The following PIK3R6 variants were observed in gnomAD, a reference collection of about 807,000 sequenced individuals.
The protein encoded by PIK3R6 is phosphoinositide-3-kinase regulatory subunit 6.
A neutral mutation model predicts 84.9 loss-of-function variants in PIK3R6; 91 were observed. The observed-to-expected ratio is 1.07, with a 90% confidence interval of 0.90 to 1.28. The LOEUF (loss-of-function observed/expected upper bound fraction) is 1.28. PIK3R6 is among the 50% of genes most tolerant of loss of function. The pLI, the probability that PIK3R6 is intolerant of heterozygous loss-of-function variation, is 0.00. For missense variants in PIK3R6, 996 were observed against 985.1 expected (o/e 1.01, Z -0.15); for synonymous variants, 416 against 411.4 (o/e 1.01, Z -0.13).
chr17:8,822,045 TGAGAG>T, intron 16 of PIK3R6, 109 bp from the exon 17 acceptor site: 2 of 784,734 alleles, frequency 2.5e-6, no homozygotes, highest in Non-Finnish European at 3.8e-6. Context: ...ACCCCTGCTG[TGAGAG>T]TCTTTTTTTT....
intron 7 of PIK3R6, among the ~76,000 whole-genome samples, chr17:8,835,712 A>G (rs532192907): frequency 3.5e-4 from 53 of 152,234 alleles, no homozygotes; most frequent in African/African-American, 1.2e-3. Context: ...GCCTAGTCCC[A>G]TGTTTAGGAA....
intron 18 of PIK3R6, among the ~76,000 whole-genome samples, chr17:8,811,899 C>A (rs1007035825): frequency 6.7e-6 from 1 of 148,196 alleles, no homozygotes; most frequent in Non-Finnish European, 1.5e-5. Flanking sequence ...TTTCAGGTAT[C>A]TTTTCAGCAG....
intron 1 of PIK3R6, among the ~76,000 whole-genome samples, chr17:8,855,733 G>A (rs1237309574): frequency 6.6e-6 from 1 of 152,216 alleles, no homozygotes; most frequent in Non-Finnish European, 1.5e-5. Flanking sequence ...ATACGTTACT[G>A]GTGAGAATGC....
At position 8,828,841 on chromosome 17, in the gene PIK3R6, G is replaced by T. The variant is rs1193953030; in HGVS notation, c.1039C>A (p.Pro347Thr). The T allele has an allele frequency of 1.9e-6, 3 of 1,596,826 alleles. No individual in the cohort carries two copies. The highest frequency in any genetic ancestry group is 2.6e-6 in the Non-Finnish European group (3 of 1,170,880). ...STDSGIERDL[P>T]TGADELPAPG... is the part of the protein sequence containing the mutation. ...GCAGGCAGCTCATCAGCCCCCGTGGGAAGGTCCCGCTCAATGCCGCTGTCA... is the reference window on the plus strand; with the variant it reads ...GCAGGCAGCTCATCAGCCCCCGTGGTAAGGTCCCGCTCAATGCCGCTGTCA... Residue 347 changes from proline to threonine, a missense_variant, in exon 11 of 20, where the codon CCC (proline) becomes ACC (threonine). By Grantham distance (38) the Pro-to-Thr change is conservative (BLOSUM62 -1). Coordinates refer to ENST00000619866, the MANE Select transcript of PIK3R6 (RefSeq NM_001010855.4).
chr17:8,834,844 GT>G (rs35887127), intron 8 of PIK3R6, among the ~76,000 whole-genome samples: 24,668 of 147,164 alleles, frequency 0.17, 2,545 homozygotes, highest in African/African-American at 0.29. Context: ...CTTATTATTG[GT>G]TTTTTTTTTG....
chr17:8,803,438 G>GGA lies in PIK3R6; in HGVS notation c.2109-11_2109-10dup, dbSNP rs772798825. The GGA allele has an allele frequency of 1.3e-6, 2 of 1,593,484 alleles. No individual in the cohort carries two copies. The highest frequency in any genetic ancestry group is 1.7e-6 in the Non-Finnish European group (2 of 1,170,742). ...AGGGAGCAACCTCGAATCTGTGGGTGGAGAGAGACCAGCTCAGGTGACCCA... is the reference window on the plus strand; with the variant it reads ...AGGGAGCAACCTCGAATCTGTGGGTGGAGAGAGAGACCAGCTCAGGTGACCCA... On this transcript the variant is annotated splice_polypyrimidine_tract_variant and intron_variant, in intron 19 of 19. Coordinates refer to ENST00000619866, the MANE Select transcript of PIK3R6 (RefSeq NM_001010855.4). This position sits in a 1 kb window ranked among gnomAD's most constrained non-coding sequence, Gnocchi z 5.0.
Position 8,819,329 on chromosome 17 carries a change from T to C in PIK3R6, c.1880-131A>G, listed in dbSNP as rs78705597. 5,501 of 582,148 alleles carry C rather than the reference T, an allele frequency of 9.4e-3. 212 individuals are homozygous for C. The highest frequency in any genetic ancestry group is 0.084 in the African/African-American group (4,474 of 53,110). The allele number at this position is 582,148 out of a possible 1,614,324, so 36.1% of individuals were successfully genotyped here. On this transcript the variant is annotated intron_variant, in intron 17 of 19. Coordinates refer to ENST00000619866, the MANE Select transcript of PIK3R6 (RefSeq NM_001010855.4). The stretch of plus-strand genomic sequence containing the variant: ...GTCACTCCTCCTTGGGCCCCCACTT[T>C]CTGAATCTGCTTGGTCCCAGCCAAG...
At chr17:8,866,022 G>T (rs2089403253) in intron 1 of PIK3R6, among the ~76,000 whole-genome samples, 1 of 152,172 alleles carries the variant, frequency 6.6e-6, no homozygotes, top group Non-Finnish European at 1.5e-5. Context: ...CTTTCGTGGA[G>T]ACAGTGTAGG....
intron 12 of PIK3R6, among the ~76,000 whole-genome samples, chr17:8,827,667 G>A (rs898216961): frequency 1.3e-5 from 2 of 150,984 alleles, no homozygotes; most frequent in African/African-American, 4.9e-5. Context: ...TTCACTGCCT[G>A]CAATTTCCTT....
chr17:8,860,128 A>G (rs1046701950), intron 1 of PIK3R6, among the ~76,000 whole-genome samples: 2 of 152,242 alleles, frequency 1.3e-5, no homozygotes, highest in Admixed American at 1.3e-4. Flanking sequence ...ATAGCTATGC[A>G]GTGAAAAGCC....
intron 18 of PIK3R6, among the ~76,000 whole-genome samples, chr17:8,805,157 A>G (rs1488402683): frequency 6.6e-6 from 1 of 152,204 alleles, no homozygotes; most frequent in Non-Finnish European, 1.5e-5. Context: ...GGGTAAGAGC[A>G]TAGTCTCTAA....
At chr17:8,858,310 CTTTTTTTTTT>C (rs752142944) in intron 1 of PIK3R6, among the ~76,000 whole-genome samples, 5 of 95,512 alleles carry the variant, frequency 5.2e-5, no homozygotes, top group South Asian at 7.1e-4. Context: ...CTCAATTAAT[CTTTTTTTTTT>C]TTTTTTTTTT....
At chr17:8,843,628 A>G (rs2088744190) in intron 2 of PIK3R6, among the ~76,000 whole-genome samples, 1 of 151,044 alleles carries the variant, frequency 6.6e-6, no homozygotes, top group Non-Finnish European at 1.5e-5. Context: ...TTGGGCTTGT[A>G]TAGTGTCTTA....
At position 8,828,754 on chromosome 17, in the gene PIK3R6, C is replaced by T; in HGVS notation, c.1126G>A (p.Ala376Thr). Residue 376 changes from alanine to threonine, a missense_variant, in exon 11 of 20, where the codon GCA (alanine) becomes ACA (threonine). Transcript: ENST00000619866. ...GGCATCAAGAAGTCCAGGGGCCATG[C>T]ACGCTTCTTGATGCCCCCTTTGCGC... ...LQRKGGIKKRAWPLDFLMPGS... is the reference protein window; with the variant it reads ...LQRKGGIKKRTWPLDFLMPGS... 2 of 1,600,350 alleles carry T rather than the reference C, an allele frequency of 1.2e-6. No homozygotes were observed. The highest frequency in any genetic ancestry group is 1.3e-5 in the African/African-American group (1 of 74,742).
At chr17:8,812,293 A>C (rs1308788100) in intron 18 of PIK3R6, among the ~76,000 whole-genome samples, 1 of 152,252 alleles carries the variant, frequency 6.6e-6, no homozygotes, top group Non-Finnish European at 1.5e-5. Context: ...TCAGACACCA[A>C]TAGAATAATA....
chr17:8,851,708 T>A lies in PIK3R6; in HGVS notation c.-91-1823A>T, dbSNP rs538119579. ...CGCTGTGGAAAATCGTATGGCATGT[T>A]CTTCAAAAAGTCAAGCATAGAATTA... On this transcript the variant is annotated intron_variant, in intron 1 of 19. Transcript: ENST00000619866. 5.3e-5 allele frequency among the ~76,000 whole-genome samples: 8 copies of A among 152,334 alleles called. No individual in the cohort carries two copies. In the South Asian group the frequency reaches 1.4e-3, roughly 28 times the overall value.
intron 1 of PIK3R6, among the ~76,000 whole-genome samples, chr17:8,856,149 T>A (rs529691863): frequency 6.6e-6 from 1 of 152,382 alleles, no homozygotes; most frequent in East Asian, 1.9e-4. Context: ...TAGGTCAGTG[T>A]CAGATAAAGG....
At chr17:8,826,675 C>T (rs2151223243) in intron 13 of PIK3R6, among the ~76,000 whole-genome samples, 1 of 152,212 alleles carries the variant, frequency 6.6e-6, no homozygotes, top group Admixed American at 6.5e-5. Flanking sequence ...ATATCTAATG[C>T]ATGCGGGGCT....
Position 8,835,260 on chromosome 17 carries a change from G to C in PIK3R6, c.645+13C>G. ...GGCTGGGACTGACAAGGGGCTGCAG[G>C]CAGGGCCATTACCTGCAGCTTCCTG... On this transcript the variant is annotated intron_variant, in intron 8 of 19. Coordinates refer to ENST00000619866, the MANE Select transcript of PIK3R6 (RefSeq NM_001010855.4). 4 of 1,516,118 alleles carry C rather than the reference G, an allele frequency of 2.6e-6. No homozygotes were observed. Among genetic ancestry groups the C allele is most frequent in the Non-Finnish European group, 3.6e-6 (4 of 1,121,802 alleles). 93.9% of individuals were successfully genotyped at this position (1,516,118 alleles called of 1,614,324 possible).
Sources: allele counts gnomAD v4.1 joint callset (sites outside exome capture counted in the v4.1 genomes callset), GRCh38; gene constraint gnomAD v4.1.1; non-coding constraint Gnocchi (gnomAD v3.1); transcripts MANE v1.5; gene names NCBI Gene and HGNC (gene_info 2026-07-23, HGNC 2026-07-21).